The following PCSK6 variants were observed in gnomAD, a reference collection of about 807,000 sequenced individuals.
The protein encoded by PCSK6 is proprotein convertase subtilisin/kexin type 6, also known as paired basic amino acid cleaving enzyme 4.
Under a neutral mutation model 123.3 loss-of-function variants are expected in PCSK6, and 85 were observed. The observed-to-expected ratio is 0.69, with a 90% confidence interval of 0.58 to 0.83. PCSK6 has a LOEUF of 0.83. PCSK6 is among the 40% of genes least tolerant of loss of function. PCSK6 has a pLI of 0.00. For synonymous variants in PCSK6, 508 were observed against 516.0 expected, an observed-to-expected ratio of 0.98 and a Z score of 0.21; for missense variants, 1,191 against 1,282.3, an observed-to-expected ratio of 0.93 and a Z score of 1.09.
chr15:101,357,440 C>T, intron 13 of PCSK6, among the ~76,000 whole-genome samples: 1 of 152,238 alleles, frequency 6.6e-6, no homozygotes, highest in East Asian at 1.9e-4. Flanking sequence ...GCCTCTAGAG[C>T]TCTGAATCCT....
At chr15:101,477,518 C>T (rs745326023) in intron 1 of PCSK6, among the ~76,000 whole-genome samples, 6 of 152,186 alleles carry the variant, frequency 3.9e-5, no homozygotes, top group Non-Finnish European at 7.4e-5. Context: ...CACACTCAGA[C>T]ACAGAATCAC....
chr15:101,346,777 G>A (rs1167679435), intron 13 of PCSK6: 8 of 1,230,416 alleles, frequency 6.5e-6, no homozygotes, highest in Non-Finnish European at 8.1e-6. Flanking sequence ...AATTAGCTAT[G>A]AGGTGAGACA....
intron 21 of PCSK6, 112 bp downstream of exon 21, chr15:101,307,101 G>C: frequency 2.8e-6 from 2 of 722,152 alleles, no homozygotes; most frequent in East Asian, 5.4e-5. Flanking sequence ...GGGCACGAAC[G>C]CCTGTCTGTG....
At chr15:101,314,369 C>A (rs896833864) in intron 19 of PCSK6, among the ~76,000 whole-genome samples, 3 of 152,094 alleles carry the variant, frequency 2.0e-5, no homozygotes, top group Non-Finnish European at 2.9e-5. Context: ...CAGAGAGGGG[C>A]AGTGAAGTAG....
At chr15:101,459,007 G>C (rs1410786795) in intron 1 of PCSK6, among the ~76,000 whole-genome samples, 2 of 152,206 alleles carry the variant, frequency 1.3e-5, no homozygotes, top group African/African-American at 4.8e-5. Context: ...CACGTGTTCA[G>C]AGAGAAGTGG....
chr15:101,328,475 G>T (rs2040308091), intron 15 of PCSK6, among the ~76,000 whole-genome samples: 1 of 152,116 alleles, frequency 6.6e-6, no homozygotes, highest in Non-Finnish European at 1.5e-5. Context: ...GAGGAGGGTG[G>T]CTAGGAACAG....
intron 1 of PCSK6, among the ~76,000 whole-genome samples, chr15:101,449,540 C>T (rs2056979378): frequency 6.6e-6 from 1 of 152,310 alleles, no homozygotes; most frequent in African/African-American, 2.4e-5. Context: ...TTCTCACATC[C>T]GAGTGAGCCT....
At chr15:101,316,910 G>GTATTTTTTT (rs2040002070) in intron 19 of PCSK6, among the ~76,000 whole-genome samples, 2 of 114,944 alleles carry the variant, frequency 1.7e-5, no homozygotes, top group East Asian at 5.0e-4. Flanking sequence ...ACTTAATTCT[G>GTATTTTTTT]TTTTTTTTTT....
chr15:101,396,152 GA>G (rs1301772428), intron 7 of PCSK6, among the ~76,000 whole-genome samples: 1 of 151,800 alleles, frequency 6.6e-6, no homozygotes, highest in Non-Finnish European at 1.5e-5. Flanking sequence ...TCCAAATGAC[GA>G]AAAAAAATCA....
intron 1 of PCSK6, among the ~76,000 whole-genome samples, chr15:101,467,715 G>A (rs1283372590): frequency 5.3e-5 from 8 of 152,212 alleles, no homozygotes; most frequent in African/African-American, 1.2e-4. Flanking sequence ...GCCACACTGT[G>A]GCTAAACCTT....
chr15:101,305,098 C>T lies in PCSK6; in HGVS notation c.*160G>A, dbSNP rs2039690917. ...TTTAGGAACACCTCCTTAAGAGCCA[C>T]CACCCACCTGGCTTGGGTGCTCAGA... On this transcript the variant is annotated 3_prime_UTR_variant, in exon 22 of 22. Transcript: ENST00000611716. This position sits in a 1 kb window ranked among gnomAD's most constrained non-coding sequence, Gnocchi z 4.8. 1 of 616,342 alleles carries T rather than the reference C, an allele frequency of 1.6e-6. No individual in the cohort carries two copies. Among genetic ancestry groups the T allele is most frequent in the South Asian group, 1.9e-5 (1 of 51,454 alleles). 38.2% of individuals were successfully genotyped at this position (616,342 alleles called of 1,614,324 possible). A position where few individuals can be genotyped will look rare whatever the true frequency, so the allele number is the denominator to read the frequency against.
chr15:101,315,565 C>T (rs768153604), intron 19 of PCSK6, among the ~76,000 whole-genome samples: 3 of 152,254 alleles, frequency 2.0e-5, no homozygotes, highest in East Asian at 1.9e-4. Flanking sequence ...GAATGTGCCA[C>T]GACAGGGACT....
intron 18 of PCSK6, among the ~76,000 whole-genome samples, chr15:101,322,182 G>A (rs920331760): frequency 2.0e-5 from 3 of 152,212 alleles, no homozygotes; most frequent in Non-Finnish European, 4.4e-5. Flanking sequence ...AGCCGCTACA[G>A]CCCATCCCCG....
chr15:101,367,906 C>T (rs2041449838), intron 12 of PCSK6, among the ~76,000 whole-genome samples: 1 of 152,200 alleles, frequency 6.6e-6, no homozygotes, highest in Non-Finnish European at 1.5e-5. Flanking sequence ...CTCACTGCAA[C>T]CTCCGCCTCC....
chr15:101,326,908 G>A (rs74842353), intron 15 of PCSK6, among the ~76,000 whole-genome samples: 1 of 152,210 alleles, frequency 6.6e-6, no homozygotes, highest in Non-Finnish European at 1.5e-5. Flanking sequence ...ACACAAGAGG[G>A]GGTGCTGAGT....
Position 101,314,065 on chromosome 15 carries a change from G to C in PCSK6, c.2570-560C>G, listed in dbSNP as rs74341982. Among the ~76,000 whole-genome samples the C allele has an allele frequency of 7.5e-3, 1,137 of 152,316 alleles. 46 individuals are homozygous for C. The East Asian group carries it at 0.097, about 13-fold the overall frequency. ...CACAGAACGCTGTAGAAGATGACGG[G>C]GGAAGATGAAAGAAGAGATCTTTGG... On this transcript the variant is annotated intron_variant, in intron 19 of 21. Coordinates refer to ENST00000611716, the MANE Select transcript of PCSK6 (RefSeq NM_002570.5).
chr15:101,372,915 A>G (rs1050200565), intron 11 of PCSK6, among the ~76,000 whole-genome samples: 6 of 152,242 alleles, frequency 3.9e-5, no homozygotes, highest in African/African-American at 7.2e-5. Context: ...GAAGTGATCA[A>G]TCTGCTCTAG....
chr15:101,373,759 C>G (rs1208607757), intron 11 of PCSK6, among the ~76,000 whole-genome samples: 1 of 152,296 alleles, frequency 6.6e-6, no homozygotes. Flanking sequence ...AGAAGTGGTT[C>G]TCCACCCTAC....
intron 13 of PCSK6, chr15:101,346,689 G>A (rs1187707172): frequency 8.3e-6 from 9 of 1,088,106 alleles, no homozygotes; most frequent in Non-Finnish European, 1.0e-5. Flanking sequence ...ATCTGGGAAA[G>A]GGGTTTCAAG....
Sources: allele counts gnomAD v4.1 joint callset (sites outside exome capture counted in the v4.1 genomes callset), GRCh38; gene constraint gnomAD v4.1.1; non-coding constraint Gnocchi (gnomAD v3.1); transcripts MANE v1.5; gene names NCBI Gene and HGNC (gene_info 2026-07-23, HGNC 2026-07-21).